The following FGF10 variants were observed in gnomAD, a reference collection of about 807,000 sequenced individuals.
The protein encoded by FGF10 is fibroblast growth factor 10.
FGF10 carries 2 observed loss-of-function variants against 19.8 expected under a neutral mutation model. That is an observed-to-expected ratio of 0.10 (90% CI 0.04 to 0.32). FGF10 has a LOEUF of 0.32. FGF10 is among the 10% of genes least tolerant of loss of function. The probability of loss-of-function intolerance (pLI) is 1.00; values close to 1 mark genes in which losing one functional copy is unlikely to be tolerated. For missense variants in FGF10, 191 were observed against 246.3 expected, an observed-to-expected ratio of 0.78 and a Z score of 1.50; for synonymous variants, 112 against 94.0, an observed-to-expected ratio of 1.19 and a Z score of -1.10.
chr5:44,310,324 G>A, intron 2 of FGF10, 103 bp downstream of exon 2: 1 of 764,616 alleles, frequency 1.3e-6, no homozygotes, highest in African/African-American at 1.7e-5. Context: ...CTATTTACTA[G>A]CAATAGAAGG....
intron 1 of FGF10, among the ~76,000 whole-genome samples, chr5:44,361,218 T>A (rs183746750): frequency 1.5e-3 from 227 of 151,838 alleles, no homozygotes; most frequent in Middle Eastern, 3.4e-3. Context: ...AAAAGCAGCT[T>A]CTGCTGCCCC....
intron 1 of FGF10, among the ~76,000 whole-genome samples, chr5:44,315,793 C>A (rs182054354): frequency 6.6e-6 from 1 of 152,124 alleles, no homozygotes; most frequent in East Asian, 1.9e-4. Flanking sequence ...ACTTAGGGAG[C>A]TCCTTGGGGT....
intron 1 of FGF10, among the ~76,000 whole-genome samples, chr5:44,325,654 ATG>A (rs1028143603): frequency 6.7e-6 from 1 of 150,310 alleles, no homozygotes; most frequent in Non-Finnish European, 1.5e-5. Flanking sequence ...CAAACACTGC[ATG>A]TTCTCACTCA....
intron 1 of FGF10, among the ~76,000 whole-genome samples, chr5:44,378,160 A>T (rs998061252): frequency 6.6e-6 from 1 of 152,042 alleles, no homozygotes; most frequent in African/African-American, 2.4e-5. Flanking sequence ...CTGAAGGGGG[A>T]TGGGAGGGTC....
chr5:44,341,155 T>A (rs1740960368), intron 1 of FGF10, among the ~76,000 whole-genome samples: 1 of 152,038 alleles, frequency 6.6e-6, no homozygotes, highest in South Asian at 2.1e-4. Flanking sequence ...AGTAAATGCT[T>A]GTTAATCTAA....
chr5:44,380,111 A>G (rs1342913118), intron 1 of FGF10, among the ~76,000 whole-genome samples: 1 of 152,232 alleles, frequency 6.6e-6, no homozygotes, highest in Non-Finnish European at 1.5e-5. Context: ...ACTGCTATGA[A>G]TACCATTATA....
chr5:44,346,599 T>G (rs937164444), intron 1 of FGF10, among the ~76,000 whole-genome samples: 3 of 151,852 alleles, frequency 2.0e-5, no homozygotes, highest in Non-Finnish European at 4.4e-5. Context: ...TCAGAACTCA[T>G]GCACTCTGCC....
chr5:44,324,045 A>G (rs1740556904), intron 1 of FGF10, among the ~76,000 whole-genome samples: 1 of 152,094 alleles, frequency 6.6e-6, no homozygotes, highest in South Asian at 2.1e-4. Flanking sequence ...GTTATTTCAT[A>G]CTCCTCTTGG....
rs1740039678 is a variant in FGF10, at chr5:44,304,897, G to A, written c.*98C>T. 18 of 1,222,374 alleles carry A rather than the reference G, an allele frequency of 1.5e-5. No homozygotes were observed. The highest frequency in any genetic ancestry group is 3.8e-4 in the Middle Eastern group (2 of 5,316). The allele number at this position is 1,222,374 out of a possible 1,614,324, so 75.7% of individuals were successfully genotyped here. A position where few individuals can be genotyped will look rare whatever the true frequency, so the allele number is the denominator to read the frequency against. On this transcript the variant is annotated 3_prime_UTR_variant, in exon 3 of 3. Transcript: ENST00000264664. ...TTTTAAGCAAGCAGACATCTGCAAC[G>A]TGTCTTTGCCTTTCAATCTACTGTC...
intron 1 of FGF10, among the ~76,000 whole-genome samples, chr5:44,312,931 G>A (rs1027563579): frequency 8.6e-5 from 13 of 152,042 alleles, no homozygotes; most frequent in South Asian, 2.1e-4. Flanking sequence ...CGTTATTTCT[G>A]AGGATGAACT....
In FGF10 at chr5:44,315,182, C is replaced by CA. The variant is rs34267996; in HGVS notation, c.326-4653dup. 2.3e-3 allele frequency among the ~76,000 whole-genome samples: 294 copies of CA among 126,516 alleles called. 1 individual carries two copies. Among genetic ancestry groups the CA allele is most frequent in the African/African-American group, 4.6e-3 (164 of 35,608 alleles). 83.0% of individuals were successfully genotyped at this position (126,516 alleles called of 152,430 possible). Reference sequence around the variant, plus strand: ...AAGACCCAAATAAGTAATGACAATACAAAAAAAAAAAAAAACCAGAAAGAA... The same window carrying CA: ...AAGACCCAAATAAGTAATGACAATACAAAAAAAAAAAAAAAACCAGAAAGAA... On this transcript the variant is annotated intron_variant, in intron 1 of 2. Transcript: ENST00000264664.
intron 1 of FGF10, among the ~76,000 whole-genome samples, chr5:44,338,887 G>C (rs1049895954): frequency 6.6e-5 from 10 of 152,158 alleles, no homozygotes; most frequent in Non-Finnish European, 1.3e-4. Context: ...AAAGCAAACT[G>C]TATCTAGATT....
In FGF10 at chr5:44,376,513, AAAAAC is replaced by A. The variant is rs1291880138; in HGVS notation, c.325+11840_325+11844del. Among the ~76,000 whole-genome samples, 147 of 135,472 alleles carry A rather than the reference AAAAAC, an allele frequency of 1.1e-3. 4 individuals carry two copies. Among genetic ancestry groups the A allele is most frequent in the African/African-American group, 3.5e-3 (114 of 32,138 alleles). The allele number at this position is 135,472 out of a possible 152,430, so 88.9% of individuals were successfully genotyped here. A position where few individuals can be genotyped will look rare whatever the true frequency, so the allele number is the denominator to read the frequency against. Reference sequence around the variant, plus strand: ...GCCAAAAAAAAAAAAAAAAAAAAAAAAAAACAAAAAACCCACAACTAGAGCAAGAA... The same window carrying A: ...GCCAAAAAAAAAAAAAAAAAAAAAAAAAAAAACCCACAACTAGAGCAAGAA... On this transcript the variant is annotated intron_variant, in intron 1 of 2. Coordinates refer to ENST00000264664, the MANE Select transcript of FGF10 (RefSeq NM_004465.2).
At chr5:44,356,994 A>T (rs1741360856) in intron 1 of FGF10, among the ~76,000 whole-genome samples, 1 of 151,242 alleles carries the variant, frequency 6.6e-6, no homozygotes, top group Admixed American at 6.6e-5. Context: ...CTAATGTTTC[A>T]CTTCTTTCTG....
intron 1 of FGF10, among the ~76,000 whole-genome samples, chr5:44,360,473 CATTTG>C (rs1561214071): frequency 2.6e-5 from 4 of 151,526 alleles, no homozygotes; most frequent in African/African-American, 9.7e-5. Flanking sequence ...AGAACAGCAA[CATTTG>C]TAATTTAAGT....
intron 1 of FGF10, among the ~76,000 whole-genome samples, chr5:44,322,903 G>A (rs1354073794): frequency 6.6e-6 from 1 of 151,992 alleles, no homozygotes; most frequent in Non-Finnish European, 1.5e-5. Flanking sequence ...AAAGTAATGT[G>A]ACTGAATCCC....
intron 1 of FGF10, among the ~76,000 whole-genome samples, chr5:44,383,790 C>T (rs1742038150): frequency 6.6e-6 from 1 of 152,024 alleles, no homozygotes; most frequent in African/African-American, 2.4e-5. Context: ...ATAAATTATG[C>T]AACCAAATTC....
chr5:44,300,567 C>A lies in FGF10; in HGVS notation c.*4428G>T, dbSNP rs900974889. 6.6e-6 allele frequency among the ~76,000 whole-genome samples: 1 copy of A among 152,114 alleles called. No individual in the cohort carries two copies. Among genetic ancestry groups the A allele is most frequent in the Non-Finnish European group, 1.5e-5 (1 of 68,004 alleles). ...TAAAGAACATATGAAAGAGAATGATCTTAAAACCTCTCTAACTTGGACAAA... is the reference window on the plus strand; with the variant it reads ...TAAAGAACATATGAAAGAGAATGATATTAAAACCTCTCTAACTTGGACAAA... On this transcript the variant is annotated 3_prime_UTR_variant, in exon 3 of 3. Coordinates refer to ENST00000264664, the MANE Select transcript of FGF10 (RefSeq NM_004465.2).
chr5:44,305,573 C>T (rs974192782), intron 2 of FGF10, among the ~76,000 whole-genome samples: 8 of 151,970 alleles, frequency 5.3e-5, no homozygotes, highest in African/African-American at 1.7e-4. Context: ...ACAGTAATAA[C>T]CAGGGGCCCC....
Sources: gnomAD v4.1 joint callset for allele counts (sites outside exome capture counted in the v4.1 genomes callset) on GRCh38, gnomAD v4.1.1 for gene constraint, MANE v1.5 for transcripts, NCBI Gene and HGNC (gene_info 2026-07-23, HGNC 2026-07-21) for gene names.